The following USP34 variants were observed in gnomAD, a reference collection of about 807,000 sequenced individuals.
USP34 encodes ubiquitin carboxyl-terminal hydrolase 34.
In USP34, 70 loss-of-function variants were observed where a neutral mutation model predicts 460.3. The observed-to-expected ratio is 0.15, with a 90% CI of 0.13 to 0.19. The LOEUF (loss-of-function observed/expected upper bound fraction) is 0.19, where lower values mean the gene tolerates loss of function less well. Ranked by LOEUF, USP34 falls within the 10% of genes least tolerant of loss-of-function variation. The pLI is 1.00. For synonymous variants in USP34, 1,647 were observed against 1,405.3 expected (o/e 1.17, Z -3.85); for missense variants, 3,985 against 4,236.2 (o/e 0.94, Z 1.65).
intron 58 of USP34, 71 bp downstream of exon 58, chr2:61,232,381 C>G: frequency 7.9e-7 from 1 of 1,270,956 alleles, no homozygotes; most frequent in Non-Finnish European, 1.1e-6. Flanking sequence ...CACTTATAAG[C>G]AAATTGAGAA....
chr2:61,260,087 A>G (rs1308393917), intron 43 of USP34, among the ~76,000 whole-genome samples: 1 of 152,254 alleles, frequency 6.6e-6, no homozygotes, highest in Non-Finnish European at 1.5e-5. Context: ...AAAACACTTC[A>G]GGTGCAATCA....
chr2:61,314,519 A>ATTTCT (rs1690685358), intron 25 of USP34, 66 bp downstream of exon 25: 1 of 1,327,166 alleles, frequency 7.5e-7, no homozygotes, highest in East Asian at 2.6e-5. Flanking sequence ...CACTTTAAGA[A>ATTTCT]TATTTCTGGA....
intron 2 of USP34, among the ~76,000 whole-genome samples, chr2:61,407,784 G>C (rs1337276815): frequency 1.3e-5 from 2 of 152,146 alleles, no homozygotes; most frequent in South Asian, 2.1e-4. Context: ...GCCTAAAGAG[G>C]AGACCACATG....
intron 27 of USP34, among the ~76,000 whole-genome samples, chr2:61,306,891 G>A (rs1271574623): frequency 6.6e-6 from 1 of 152,142 alleles, no homozygotes; most frequent in Non-Finnish European, 1.5e-5. Flanking sequence ...TTCAACCATT[G>A]TGGAAGACAG....
intron 1 of USP34, among the ~76,000 whole-genome samples, chr2:61,443,694 G>A (rs2264100): frequency 0.64 from 97,719 of 152,004 alleles, 31,511 homozygotes; most frequent in Middle Eastern, 0.7. Flanking sequence ...GAATGGGTAG[G>A]GCACACAGGA....
intron 68 of USP34, 66 bp downstream of exon 68, chr2:61,213,994 C>T: frequency 1.3e-6 from 2 of 1,575,568 alleles, no homozygotes; most frequent in Non-Finnish European, 1.7e-6. Flanking sequence ...CACTTCCCAC[C>T]AGGGGAAAAA....
chr2:61,268,909 A>G (rs1689133665), intron 41 of USP34, among the ~76,000 whole-genome samples: 1 of 152,298 alleles, frequency 6.6e-6, no homozygotes, highest in African/African-American at 2.4e-5. Context: ...AAAACAAAGT[A>G]TATTTATGCT....
intron 41 of USP34, among the ~76,000 whole-genome samples, chr2:61,268,869 T>C (rs774842834): frequency 5.9e-5 from 9 of 152,302 alleles, no homozygotes; most frequent in South Asian, 4.1e-4. Context: ...CAGTAAAATT[T>C]CATTTTTAAA....
At chr2:61,271,816 C>T (rs1163410906) in intron 41 of USP34, among the ~76,000 whole-genome samples, 3 of 152,018 alleles carry the variant, frequency 2.0e-5, no homozygotes, top group African/African-American at 7.2e-5. Flanking sequence ...AAAAAATTTA[C>T]CAAATTCTGC....
chr2:61,443,142 G>A (rs951967842), intron 1 of USP34, among the ~76,000 whole-genome samples: 1 of 152,106 alleles, frequency 6.6e-6, no homozygotes, highest in Non-Finnish European at 1.5e-5. Flanking sequence ...AAAGGACAGG[G>A]GAAAGGGAAG....
intron 1 of USP34, among the ~76,000 whole-genome samples, chr2:61,447,402 C>CA (rs1054793709): frequency 1.3e-5 from 2 of 151,872 alleles, no homozygotes; most frequent in African/African-American, 4.8e-5. Context: ...TATCAAAGCT[C>CA]AAATTTTATC....
At chr2:61,201,804 T>C (rs770050739) in intron 75 of USP34, among the ~76,000 whole-genome samples, 1 of 152,232 alleles carries the variant, frequency 6.6e-6, no homozygotes, top group African/African-American at 2.4e-5. Flanking sequence ...GTATAAATTA[T>C]ATGAACACAA....
chr2:61,217,756 C>A (rs374674139), intron 67 of USP34, among the ~76,000 whole-genome samples: 2 of 152,104 alleles, frequency 1.3e-5, no homozygotes, highest in East Asian at 3.8e-4. Flanking sequence ...AGTTTGAGAC[C>A]AGCCTGACCA....
intron 51 of USP34, among the ~76,000 whole-genome samples, chr2:61,244,411 T>C (rs558083166): frequency 1.3e-5 from 2 of 152,258 alleles, no homozygotes; most frequent in African/African-American, 4.8e-5. Context: ...GTTCAGGGGT[T>C]TGAGACCAGC....
At chr2:61,415,077 G>C (rs1201543536) in intron 2 of USP34, among the ~76,000 whole-genome samples, 2 of 152,132 alleles carry the variant, frequency 1.3e-5, no homozygotes, top group African/African-American at 4.8e-5. Flanking sequence ...TTGTTACTCA[G>C]GGCGTGGAAT....
chr2:61,460,218 T>A (rs1695560335), intron 1 of USP34, among the ~76,000 whole-genome samples: 1 of 152,216 alleles, frequency 6.6e-6, no homozygotes, highest in Admixed American at 6.6e-5. Context: ...CCAAAAATAT[T>A]AAATGGAAAA....
At chr2:61,361,069 A>C (rs1044594922) in intron 10 of USP34, among the ~76,000 whole-genome samples, 3 of 152,198 alleles carry the variant, frequency 2.0e-5, no homozygotes, top group African/African-American at 7.2e-5. Context: ...ATAGAGTTGG[A>C]AGTATCACAC....
intron 20 of USP34, among the ~76,000 whole-genome samples, chr2:61,330,289 T>C (rs901408087): frequency 2.0e-5 from 3 of 152,264 alleles, no homozygotes; most frequent in East Asian, 1.9e-4. Flanking sequence ...CAATGGTAAA[T>C]ATCAACTAAC....
intron 3 of USP34, among the ~76,000 whole-genome samples, chr2:61,401,693 C>A (rs907617092): frequency 3.3e-5 from 5 of 150,406 alleles, no homozygotes; most frequent in African/African-American, 1.2e-4. Context: ...GGACTACAGG[C>A]ACCCGCTACC....
Sources: gnomAD v4.1 joint callset for allele counts (sites outside exome capture counted in the v4.1 genomes callset) on GRCh38, gnomAD v4.1.1 for gene constraint, MANE v1.5 for transcripts, NCBI Gene and HGNC (gene_info 2026-07-23, HGNC 2026-07-21) for gene names.